Variants in MAF observed in about 807,000 individuals in gnomAD.
MAF encodes MAF bZIP transcription factor, also known as transcription factor Maf.
Under a neutral mutation model 22.0 loss-of-function variants are expected in MAF, and 10 were observed. That is an observed-to-expected ratio of 0.45 (90% CI 0.28 to 0.77). The LOEUF (loss-of-function observed/expected upper bound fraction) is 0.77. Among genes scored for constraint, MAF ranks in the 30% least tolerant of loss-of-function variants. MAF has a pLI of 0.12. For missense variants in MAF, 544 were observed against 548.4 expected, an observed-to-expected ratio of 0.99 and a Z score of 0.08; for synonymous variants, 337 against 255.8, an observed-to-expected ratio of 1.32 and a Z score of -3.03.
At chr16:79,465,095 A>G in the MAF span, among the ~76,000 whole-genome samples, 2 of 152,286 alleles carry the variant, frequency 1.3e-5, no homozygotes, top group South Asian at 2.1e-4. Flanking sequence ...CCATCCTATG[A>G]GGGTTCAACA....
chr16:79,529,961 C>CA, the MAF span, among the ~76,000 whole-genome samples: 26,658 of 145,050 alleles, frequency 0.18, 3,468 homozygotes, highest in African/African-American at 0.38. Flanking sequence ...AACTCCATCT[C>CA]AAAAAAAAAA....
the MAF span, among the ~76,000 whole-genome samples, chr16:79,461,992 AC>A: frequency 6.6e-6 from 1 of 152,142 alleles, no homozygotes; most frequent in South Asian, 2.1e-4. Flanking sequence ...GGCACCTGCC[AC>A]CCATTCCAGG....
intron 1 of MAF, chr16:79,597,769 A>C: frequency 9.8e-7 from 1 of 1,022,186 alleles, no homozygotes; most frequent in African/African-American, 1.7e-5. Flanking sequence ...AAAGGAAAAA[A>C]TAATTATACC....
At chr16:79,301,974 C>T in the MAF span, among the ~76,000 whole-genome samples, 53 of 152,346 alleles carry the variant, frequency 3.5e-4, no homozygotes, top group East Asian at 1.7e-3. Context: ...CGTCCTATGC[C>T]GAAGCCTGAT....
chr16:79,376,450 T>G, the MAF span, among the ~76,000 whole-genome samples: 1 of 152,156 alleles, frequency 6.6e-6, no homozygotes, highest in African/African-American at 2.4e-5. Flanking sequence ...TAAGCCCCCA[T>G]AGAAACACTC....
the MAF span, among the ~76,000 whole-genome samples, chr16:79,209,923 C>T: frequency 6.6e-6 from 1 of 152,158 alleles, no homozygotes; most frequent in Non-Finnish European, 1.5e-5. Context: ...TTGAGCCACA[C>T]AAATCAATGG....
At chr16:79,560,553 T>C in the MAF span, among the ~76,000 whole-genome samples, 2 of 152,126 alleles carry the variant, frequency 1.3e-5, no homozygotes, top group Non-Finnish European at 2.9e-5. Context: ...CTAAAGGCAT[T>C]TGAGAAATAG....
the MAF span, among the ~76,000 whole-genome samples, chr16:79,271,554 G>A: frequency 6.6e-6 from 1 of 152,102 alleles, no homozygotes; most frequent in Admixed American, 6.5e-5. Context: ...GACAGCCTCT[G>A]GGTAATTCAA....
chr16:79,571,818 G>A, the MAF span, among the ~76,000 whole-genome samples: 573 of 152,182 alleles, frequency 3.8e-3, 4 homozygotes, highest in Non-Finnish European at 5.8e-3. Context: ...TTTCAGCCAC[G>A]TTGAACAAAA....
chr16:79,596,839 A>C, intron 1 of MAF: 1 of 1,049,646 alleles, frequency 9.5e-7, no homozygotes. Flanking sequence ...CAGTAATGCC[A>C]TTTTTATAAC....
At chr16:79,331,363 C>T in the MAF span, among the ~76,000 whole-genome samples, 1 of 152,136 alleles carries the variant, frequency 6.6e-6, no homozygotes, top group African/African-American at 2.4e-5. Context: ...CCAGCTGGCC[C>T]CGCTTAGGGC....
intron 1 of MAF, among the ~76,000 whole-genome samples, chr16:79,587,873 G>C (rs369691980): frequency 2.0e-5 from 3 of 147,980 alleles, no homozygotes; most frequent in Admixed American, 1.3e-4. Flanking sequence ...TTCAAAAGGG[G>C]GGGGGGGGTA....
chr16:79,353,636 TC>T, the MAF span, among the ~76,000 whole-genome samples: 2 of 152,002 alleles, frequency 1.3e-5, no homozygotes, highest in Non-Finnish European at 2.9e-5. Context: ...ACTGTTTAAT[TC>T]CCCTAAGAGC....
At chr16:79,564,644 G>A in the MAF span, among the ~76,000 whole-genome samples, 76 of 152,132 alleles carry the variant, frequency 5.0e-4, no homozygotes, top group Non-Finnish European at 8.4e-4. Context: ...ACAGTGGTCC[G>A]ACCCACCCAT....
the MAF span, among the ~76,000 whole-genome samples, chr16:79,442,265 T>C: frequency 0.057 from 8,657 of 152,306 alleles, 814 homozygotes; most frequent in African/African-American, 0.2. Flanking sequence ...GGTGATGACA[T>C]AATCCTTGAA....
the MAF span, among the ~76,000 whole-genome samples, chr16:79,569,066 T>G: frequency 6.6e-6 from 1 of 152,174 alleles, no homozygotes; most frequent in Non-Finnish European, 1.5e-5. Flanking sequence ...CAGGATCTCA[T>G]TCATTCGTAG....
At chr16:79,480,348 A>C in the MAF span, among the ~76,000 whole-genome samples, 3 of 151,808 alleles carry the variant, frequency 2.0e-5, no homozygotes, top group Non-Finnish European at 4.4e-5. Context: ...ATTCTTTTGC[A>C]AAATACATTT....
chr16:79,388,501 T>C, the MAF span, among the ~76,000 whole-genome samples: 2 of 152,226 alleles, frequency 1.3e-5, no homozygotes, highest in Admixed American at 6.5e-5. Flanking sequence ...ATTTTCTTTC[T>C]CTTTTTTCTT....
At chr16:79,548,128 A>G in the MAF span, among the ~76,000 whole-genome samples, 1 of 151,972 alleles carries the variant, frequency 6.6e-6, no homozygotes, top group African/African-American at 2.4e-5. Flanking sequence ...TCCAAATTTG[A>G]TTTATTGGTC....
Sources: allele counts gnomAD v4.1 joint callset (sites outside exome capture counted in the v4.1 genomes callset), GRCh38; gene constraint gnomAD v4.1.1; transcripts MANE v1.5; gene names NCBI Gene and HGNC (gene_info 2026-07-23, HGNC 2026-07-21).